CHRM3: variants seen among roughly 807,000 people sequenced by gnomAD.
CHRM3 encodes muscarinic acetylcholine receptor M3.
Under a neutral mutation model 41.8 loss-of-function variants are expected in CHRM3, and 11 were observed. The observed-to-expected ratio is 0.26, with a 90% CI of 0.17 to 0.44. The LOEUF is 0.44. Among genes scored for constraint, CHRM3 ranks in the 20% least tolerant of loss-of-function variants. The probability of loss-of-function intolerance (pLI) is 1.00; values close to 1 mark genes in which losing one functional copy is unlikely to be tolerated. For missense variants in CHRM3, 571 were observed against 745.4 expected, an observed-to-expected ratio of 0.77 and a Z score of 2.72; for synonymous variants, 297 against 301.4, an observed-to-expected ratio of 0.99 and a Z score of 0.15.
intron 4 of CHRM3, among the ~76,000 whole-genome samples, chr1:239,656,168 G>C (rs189879771): frequency 0.1 from 15,235 of 151,954 alleles, 1,049 homozygotes; most frequent in African/African-American, 0.2. Flanking sequence ...GGGAAGGAAG[G>C]GGGGGAAAGG....
chr1:239,536,694 GGTC>G (rs1260524598), intron 2 of CHRM3, among the ~76,000 whole-genome samples: 2 of 152,046 alleles, frequency 1.3e-5, no homozygotes, highest in Non-Finnish European at 2.9e-5. Flanking sequence ...AGAAAACCCT[GGTC>G]GTAATGTTTT....
At chr1:239,476,559 G>C (rs1423560562) in intron 1 of CHRM3, among the ~76,000 whole-genome samples, 1 of 151,732 alleles carries the variant, frequency 6.6e-6, no homozygotes, top group Non-Finnish European at 1.5e-5. Flanking sequence ...TTGTCAAATT[G>C]CAGAAATCTG....
intron 6 of CHRM3, among the ~76,000 whole-genome samples, chr1:239,871,310 C>T (rs574938113): frequency 9.9e-5 from 15 of 152,164 alleles, no homozygotes; most frequent in Admixed American, 3.9e-4. Context: ...GGTGCGATTT[C>T]GGCTCACTGC....
chr1:239,892,496 C>T (rs895455106), intron 6 of CHRM3, among the ~76,000 whole-genome samples: 2 of 152,208 alleles, frequency 1.3e-5, no homozygotes, highest in African/African-American at 2.4e-5. Flanking sequence ...CCTGATCCAT[C>T]TTAAACTTCA....
chr1:239,397,853 A>T (rs565783986), intron 1 of CHRM3, among the ~76,000 whole-genome samples: 49 of 151,634 alleles, frequency 3.2e-4, no homozygotes, highest in African/African-American at 1.2e-3. Flanking sequence ...TGAAAAACAA[A>T]AGGAAAATGT....
At chr1:239,892,965 A>G (rs1183010107) in intron 6 of CHRM3, among the ~76,000 whole-genome samples, 1 of 152,356 alleles carries the variant, frequency 6.6e-6, no homozygotes, top group Middle Eastern at 3.4e-3. Context: ...TAGAGCACAT[A>G]ATACACATTG....
Position 239,403,976 on chromosome 1 carries a change from G to GGGGAGA in CHRM3, c.-521+16750_-521+16751insGGAGAG, listed in dbSNP as rs1417317293. Among the ~76,000 whole-genome samples the GGGGAGA allele has an allele frequency of 1.2e-3, 55 of 46,506 alleles. 2 individuals carry two copies. The East Asian group carries it at 0.028, about 24-fold the overall frequency. 30.5% of individuals were successfully genotyped at this position (46,506 alleles called of 152,430 possible). A position where few individuals can be genotyped will look rare whatever the true frequency, so the allele number is the denominator to read the frequency against. Reference sequence around the variant, plus strand: ...GGGAGGGAGGGAGGGAGAGGGAGGGGGAGAGAGAGAGAGAGAGAGAGAGAG... The same window carrying GGGGAGA: ...GGGAGGGAGGGAGGGAGAGGGAGGGGGGGAGAGAGAGAGAGAGAGAGAGAGAGAGAG... On this transcript the variant is annotated intron_variant, in intron 1 of 6. Coordinates refer to ENST00000676153, the MANE Select transcript of CHRM3 (RefSeq NM_001375978.1).
chr1:239,568,836 C>G (rs1193386083), intron 3 of CHRM3, among the ~76,000 whole-genome samples: 1 of 152,146 alleles, frequency 6.6e-6, no homozygotes, highest in Non-Finnish European at 1.5e-5. Flanking sequence ...GACAAGGTCT[C>G]TACTCACTGA....
At chr1:239,404,410 A>AAGAAAGAGAAAGAAAGAAAGAAGGAAAG (rs1210507333) in intron 1 of CHRM3, among the ~76,000 whole-genome samples, 1 of 51,754 alleles carries the variant, frequency 1.9e-5, no homozygotes, top group African/African-American at 6.4e-5. Flanking sequence ...GAAAGAAAGA[A>AAGAAAGAGAAAGAAAGAAAGAAGGAAAG]AAAGAAAGAA....
At chr1:239,455,356 CTTTT>C (rs548892634) in intron 1 of CHRM3, among the ~76,000 whole-genome samples, 1 of 145,926 alleles carries the variant, frequency 6.9e-6, no homozygotes, top group East Asian at 2.0e-4. Flanking sequence ...CAGCCTTCTA[CTTTT>C]TTTTTTTTAA....
At chr1:239,470,855 A>T (rs1213240740) in intron 1 of CHRM3, among the ~76,000 whole-genome samples, 2 of 151,634 alleles carry the variant, frequency 1.3e-5, no homozygotes, top group Admixed American at 1.3e-4. Context: ...AAGTGTCAGT[A>T]TTTTTTTTTA....
chr1:239,900,198 C>G (rs1679410604), intron 6 of CHRM3, among the ~76,000 whole-genome samples: 1 of 152,130 alleles, frequency 6.6e-6, no homozygotes, highest in Non-Finnish European at 1.5e-5. Flanking sequence ...AGGAATGATA[C>G]CTTCTACTCA....
At chr1:239,493,864 G>T (rs1667712746) in intron 2 of CHRM3, among the ~76,000 whole-genome samples, 1 of 152,104 alleles carries the variant, frequency 6.6e-6, no homozygotes, top group Non-Finnish European at 1.5e-5. Flanking sequence ...TCTCAAAATT[G>T]GGGCTTAGCC....
chr1:239,679,308 G>A (rs1433442291), intron 5 of CHRM3, among the ~76,000 whole-genome samples: 2 of 151,986 alleles, frequency 1.3e-5, no homozygotes, highest in Non-Finnish European at 2.9e-5. Flanking sequence ...CTCCTCCCCT[G>A]CCCCCATCAG....
intron 3 of CHRM3, among the ~76,000 whole-genome samples, chr1:239,627,913 A>G (rs1217832542): frequency 6.8e-6 from 1 of 147,020 alleles, no homozygotes; most frequent in South Asian, 2.2e-4. Context: ...TAACCCGACC[A>G]TTCTCTCTGG....
intron 5 of CHRM3, among the ~76,000 whole-genome samples, chr1:239,800,116 G>A (rs1156947771): frequency 6.6e-6 from 1 of 152,126 alleles, no homozygotes. Flanking sequence ...AATAGGTCTG[G>A]AAATAGGCAG....
rs1558195629 is a variant in CHRM3, at chr1:239,404,404, GAAAGAAAAAGAAAGAA to G, written c.-521+17179_-521+17194del. Among the ~76,000 whole-genome samples, 188 of 57,914 alleles carry G rather than the reference GAAAGAAAAAGAAAGAA, an allele frequency of 3.2e-3. 4 individuals are homozygous for G. The highest frequency in any genetic ancestry group is 0.012 in the East Asian group (26 of 2,216). 38.0% of individuals were successfully genotyped at this position (57,914 alleles called of 152,430 possible). ...AGAAAGAAAGAAAGAAAGAAAGAAA[GAAAGAAAAAGAAAGAA>G]AGAAAGAAAGAAAGAAAGAAAGAAA... On this transcript the variant is annotated intron_variant, in intron 1 of 6. Transcript: ENST00000676153.
chr1:239,791,785 C>T (rs1222351650), intron 5 of CHRM3, among the ~76,000 whole-genome samples: 1 of 152,116 alleles, frequency 6.6e-6, no homozygotes, highest in African/African-American at 2.4e-5. Context: ...GAAGCAGATC[C>T]TCAACGAGTT....
chr1:239,827,027 A>G (rs1403786730), intron 5 of CHRM3: 1 of 152,226 alleles, frequency 6.6e-6, no homozygotes, highest in Non-Finnish European at 1.5e-5. Flanking sequence ...CAAGAGTGGC[A>G]CGCTGCAAAG....
Sources: gnomAD v4.1 joint callset for allele counts (sites outside exome capture counted in the v4.1 genomes callset) on GRCh38, gnomAD v4.1.1 for gene constraint, MANE v1.5 for transcripts, NCBI Gene and HGNC (gene_info 2026-07-23, HGNC 2026-07-21) for gene names.